NAP1L1: variants seen among roughly 807,000 people sequenced by gnomAD.
NAP1L1 encodes the protein nucleosome assembly protein 1-like 1.
In NAP1L1, 9 loss-of-function variants were observed where a neutral mutation model predicts 58.9. That is an observed-to-expected ratio of 0.15 (90% CI 0.09 to 0.27). The LOEUF (loss-of-function observed/expected upper bound fraction) is 0.27. Among genes scored for constraint, NAP1L1 ranks in the 10% least tolerant of loss-of-function variants. The pLI, the probability that NAP1L1 is intolerant of heterozygous loss-of-function variation, is 1.00. For synonymous variants in NAP1L1, 130 were observed against 138.3 expected (o/e 0.94, Z 0.42); for missense variants, 302 against 458.8 (o/e 0.66, Z 3.12).
intron 1 of NAP1L1, among the ~76,000 whole-genome samples, chr12:76,081,268 AT>A (rs1244265516): frequency 6.6e-6 from 1 of 151,868 alleles, no homozygotes; most frequent in Non-Finnish European, 1.5e-5. Flanking sequence ...CTCCACACCT[AT>A]TTTTTTTCCT....
At chr12:76,057,687 T>C in intron 6 of NAP1L1, 1 of 1,497,898 alleles carries the variant, frequency 6.7e-7, no homozygotes, top group Non-Finnish European at 9.1e-7. Context: ...TGCCTGATGT[T>C]GCTAAATGTA....
In NAP1L1 at chr12:76,043,477, G is replaced by GAAAAAAAAAAAA. The variant is rs35898958; in HGVS notation, c.*4940_*4951dup. 1 of 121,222 alleles carries GAAAAAAAAAAAA rather than the reference G, an allele frequency of 8.2e-6. No individual in the cohort carries two copies. Among genetic ancestry groups the GAAAAAAAAAAAA allele is most frequent in the Non-Finnish European group, 1.7e-5 (1 of 60,338 alleles). The allele number at this position is 121,222 out of a possible 1,614,324, so 7.5% of individuals were successfully genotyped here. Reference sequence around the variant, plus strand: ...GCAAATGAAGTAAGACCCTGTCTCAGAAAAAAAAAAAAAAAAAAAAATTTC... The same window carrying GAAAAAAAAAAAA: ...GCAAATGAAGTAAGACCCTGTCTCAGAAAAAAAAAAAAAAAAAAAAAAAAAAAAAAAAATTTC... On this transcript the variant is annotated 3_prime_UTR_variant, in exon 15 of 15. Coordinates refer to ENST00000618691, the MANE Select transcript of NAP1L1 (RefSeq NM_004537.7).
Position 76,047,101 on chromosome 12 carries a change from G to T in NAP1L1, c.*1328C>A, listed in dbSNP as rs1035592062. 6 of 152,404 alleles carry T rather than the reference G, an allele frequency of 3.9e-5. No homozygotes were observed. Among genetic ancestry groups the T allele is most frequent in the Admixed American group, 3.9e-4 (6 of 15,250 alleles). 9.4% of individuals were successfully genotyped at this position (152,404 alleles called of 1,614,324 possible). On this transcript the variant is annotated 3_prime_UTR_variant, in exon 15 of 15. Coordinates refer to ENST00000618691, the MANE Select transcript of NAP1L1 (RefSeq NM_004537.7). ...TGTTTTCCAGTTTAGTTATCAAAGC[G>T]TGGTGTGAACAAAATGCTTAGTGTC...
intron 12 of NAP1L1, among the ~76,000 whole-genome samples, chr12:76,049,989 A>T (rs920634040): frequency 6.6e-6 from 1 of 152,236 alleles, no homozygotes; most frequent in Non-Finnish European, 1.5e-5. Flanking sequence ...AGAACAGAGT[A>T]CAATCATGTG....
intron 1 of NAP1L1, among the ~76,000 whole-genome samples, chr12:76,074,754 C>A (rs1305317799): frequency 6.6e-6 from 1 of 152,174 alleles, no homozygotes; most frequent in South Asian, 2.1e-4. Context: ...CTCTGGATAT[C>A]TTTTTAAAAG....
rs980382238 is a variant in NAP1L1 at position 76,039,984 on chromosome 12, C to T, written c.*8445G>A. ...GAAAACACGTGTACTTAAGGGTCAC[C>T]TTATACATACCACTTGAGGTTCCTT... On this transcript the variant is annotated 3_prime_UTR_variant, in exon 15 of 15. Coordinates refer to ENST00000618691, the MANE Select transcript of NAP1L1 (RefSeq NM_004537.7). 2.0e-5 allele frequency: 3 copies of T among 152,154 alleles called. No homozygotes were observed. The highest frequency in any genetic ancestry group is 4.4e-5 in the Non-Finnish European group (3 of 68,030). The allele number at this position is 152,154 out of a possible 1,614,324, so 9.4% of individuals were successfully genotyped here.
chr12:76,058,943 T>C (rs901453463), intron 6 of NAP1L1, among the ~76,000 whole-genome samples: 1 of 152,014 alleles, frequency 6.6e-6, no homozygotes, highest in Non-Finnish European at 1.5e-5. Flanking sequence ...TTGGTAGGAG[T>C]TGTTGGAGCT....
intron 4 of NAP1L1, among the ~76,000 whole-genome samples, chr12:76,064,935 T>C (rs913392809): frequency 6.6e-6 from 1 of 152,114 alleles, no homozygotes; most frequent in Non-Finnish European, 1.5e-5. Context: ...CGAAAAATTT[T>C]AAAAGCTGCT....
At chr12:76,048,549 A>G in intron 14 of NAP1L1, 85 bp from the exon 15 acceptor site, 2 of 1,328,710 alleles carry the variant, frequency 1.5e-6, no homozygotes, top group Non-Finnish European at 2.2e-6. Flanking sequence ...CTTAATTATA[A>G]CAGTAGCTCA....
In NAP1L1 at chr12:76,039,243, GTTC is replaced by G. The variant is rs1382838224; in HGVS notation, c.*9183_*9185del. The G allele has an allele frequency of 3.9e-5, 6 of 152,114 alleles. No individual in the cohort carries two copies. The East Asian group carries it at 7.7e-4, about 20-fold the overall frequency. The allele number at this position is 152,114 out of a possible 1,614,324, so 9.4% of individuals were successfully genotyped here. ...TTAGCACTGTGAGCATAAACCATAG[GTTC>G]TTCTTTTTACAGGAGAGGTTGGATG... On this transcript the variant is annotated 3_prime_UTR_variant, in exon 15 of 15. Transcript: ENST00000618691.
Position 76,044,753 on chromosome 12 carries a change from A to G in NAP1L1, c.*3676T>C, listed in dbSNP as rs987732807. On this transcript the variant is annotated 3_prime_UTR_variant, in exon 15 of 15. Transcript: ENST00000618691. Reference sequence around the variant, plus strand: ...AAGGAAGAAACACAAGATACAAAGCATACTGTATTTTTGAAAATATACATC... The same window carrying G: ...AAGGAAGAAACACAAGATACAAAGCGTACTGTATTTTTGAAAATATACATC... 6 of 152,258 alleles carry G rather than the reference A, an allele frequency of 3.9e-5. No homozygotes were observed. The highest frequency in any genetic ancestry group is 1.4e-4 in the African/African-American group (6 of 41,466). 9.4% of individuals were successfully genotyped at this position (152,258 alleles called of 1,614,324 possible). A position where few individuals can be genotyped will look rare whatever the true frequency, so the allele number is the denominator to read the frequency against.
chr12:76,056,515 T>C (rs1949095234), intron 6 of NAP1L1: 1 of 419,954 alleles, frequency 2.4e-6, no homozygotes, highest in African/African-American at 2.1e-5. Context: ...AATCAAAACA[T>C]TATATTCTCT....
chr12:76,066,651 G>A (rs1381422828), intron 4 of NAP1L1, among the ~76,000 whole-genome samples: 1 of 152,060 alleles, frequency 6.6e-6, no homozygotes, highest in Non-Finnish European at 1.5e-5. Flanking sequence ...ACACTATGAA[G>A]CTGGATGGTG....
intron 6 of NAP1L1, among the ~76,000 whole-genome samples, chr12:76,058,417 C>T (rs1481741432): frequency 1.4e-5 from 2 of 146,450 alleles, no homozygotes; most frequent in African/African-American, 5.1e-5. Flanking sequence ...GACGGAGTCT[C>T]ACACTGTCGC....
chr12:76,054,930 C>A, intron 8 of NAP1L1, 89 bp downstream of exon 8: 1 of 907,996 alleles, frequency 1.1e-6, no homozygotes, highest in Non-Finnish European at 1.7e-6. Flanking sequence ...GAGCACCAAC[C>A]TTACCCTTGA....
intron 1 of NAP1L1, among the ~76,000 whole-genome samples, chr12:76,075,260 T>C (rs1950130458): frequency 6.6e-6 from 1 of 152,154 alleles, no homozygotes; most frequent in Admixed American, 6.5e-5. Flanking sequence ...GAAGATCTTT[T>C]GAGCACAGGA....
rs1214280168 is a variant in NAP1L1, at chr12:76,045,445, A to C, written c.*2984T>G. Reference sequence around the variant, plus strand: ...TGGCCTACAATTACAATAAACAATTAATTCAGTTATTTTAGGGGCCTTACC... The same window carrying C: ...TGGCCTACAATTACAATAAACAATTCATTCAGTTATTTTAGGGGCCTTACC... On this transcript the variant is annotated 3_prime_UTR_variant, in exon 15 of 15. Transcript: ENST00000618691. 6.6e-6 allele frequency: 1 copy of C among 152,038 alleles called. No homozygotes were observed. The highest frequency in any genetic ancestry group is 2.4e-5 in the African/African-American group (1 of 41,440). 9.4% of individuals were successfully genotyped at this position (152,038 alleles called of 1,614,324 possible). A position where few individuals can be genotyped will look rare whatever the true frequency, so the allele number is the denominator to read the frequency against.
At chr12:76,083,148 C>G (rs550281301) in intron 1 of NAP1L1, among the ~76,000 whole-genome samples, 1 of 152,298 alleles carries the variant, frequency 6.6e-6, no homozygotes, top group South Asian at 2.1e-4. Context: ...CCCCCCTACA[C>G]TGCCATCCCC....
chr12:76,049,978 A>T (rs1016834749), intron 12 of NAP1L1, among the ~76,000 whole-genome samples, 193 bp from the exon 13 acceptor site: 1 of 152,196 alleles, frequency 6.6e-6, no homozygotes, highest in South Asian at 2.1e-4. Flanking sequence ...TATAAAATTA[A>T]AGAACAGAGT....
Sources: gnomAD v4.1 joint callset for allele counts (sites outside exome capture counted in the v4.1 genomes callset) on GRCh38, gnomAD v4.1.1 for gene constraint, MANE v1.5 for transcripts, NCBI Gene and HGNC (gene_info 2026-07-23, HGNC 2026-07-21) for gene names.